The following TRIQK variants were observed in gnomAD, a reference collection of about 807,000 sequenced individuals.
The protein encoded by TRIQK is triple QxxK/R motif-containing protein.
In TRIQK, 10 loss-of-function variants were observed where a neutral mutation model predicts 10.8. The ratio of observed to expected loss-of-function variants is 0.92; its 90% CI spans 0.57 to 1.57. The LOEUF is 1.57. Among genes scored for constraint, TRIQK ranks in the 40% most tolerant of loss-of-function variants. The probability of loss-of-function intolerance (pLI) is 0.00; values close to 1 mark genes in which losing one functional copy is unlikely to be tolerated. For missense variants in TRIQK, 107 were observed against 97.7 expected, an observed-to-expected ratio of 1.09 and a Z score of -0.40; for synonymous variants, 33 against 33.7, an observed-to-expected ratio of 0.98 and a Z score of 0.07.
chr8:92,899,903 C>T (rs1808829535), intron 3 of TRIQK, among the ~76,000 whole-genome samples: 1 of 150,182 alleles, frequency 6.7e-6, no homozygotes, highest in Admixed American at 6.7e-5. Context: ...TCCACATCCT[C>T]ACCAGCATTC....
chr8:92,990,479 A>G (rs1265582443), intron 1 of TRIQK, among the ~76,000 whole-genome samples: 1 of 152,118 alleles, frequency 6.6e-6, no homozygotes, highest in Non-Finnish European at 1.5e-5. Flanking sequence ...CCCAATAGGA[A>G]GAGCTCCGGT....
chr8:92,968,519 T>C (rs1030200837), upstream of TRIQK, among the ~76,000 whole-genome samples: 4 of 152,228 alleles, frequency 2.6e-5, no homozygotes, highest in African/African-American at 9.6e-5. Flanking sequence ...TGGTATCTCA[T>C]TGTGGTTTTG....
chr8:92,896,557 C>G (rs567092894), intron 3 of TRIQK, among the ~76,000 whole-genome samples: 1 of 152,252 alleles, frequency 6.6e-6, no homozygotes, highest in Admixed American at 6.5e-5. Flanking sequence ...CCTGTGAGAG[C>G]TGCTGGGTGG....
At chr8:93,012,943 G>A (rs1468436972) in intron 1 of TRIQK, among the ~76,000 whole-genome samples, 3 of 152,124 alleles carry the variant, frequency 2.0e-5, no homozygotes, top group Non-Finnish European at 2.9e-5. Context: ...GTTTTCACAC[G>A]CACTCTAGGT....
At chr8:92,995,756 T>C (rs1236772051) in intron 1 of TRIQK, among the ~76,000 whole-genome samples, 1 of 152,118 alleles carries the variant, frequency 6.6e-6, no homozygotes, top group East Asian at 1.9e-4. Context: ...TTTGTTGAAG[T>C]TGATGAACAC....
At chr8:93,012,552 T>G (rs1813345703) in intron 1 of TRIQK, among the ~76,000 whole-genome samples, 1 of 152,340 alleles carries the variant, frequency 6.6e-6, no homozygotes, top group Admixed American at 6.5e-5. Flanking sequence ...GAGAGATTTT[T>G]CTGGTCTTTA....
chr8:93,003,526 C>T (rs1374332983), intron 1 of TRIQK, among the ~76,000 whole-genome samples: 2 of 147,394 alleles, frequency 1.4e-5, no homozygotes, highest in East Asian at 3.9e-4. Context: ...CAGAGCCAAA[C>T]CATGTCATTC....
chr8:92,992,071 A>G (rs551640815), intron 1 of TRIQK, among the ~76,000 whole-genome samples: 4 of 152,284 alleles, frequency 2.6e-5, no homozygotes, highest in African/African-American at 9.6e-5. Context: ...TCTCAAAATA[A>G]TGATAATAAT....
chr8:92,980,103 A>G (rs1185489781), intron 1 of TRIQK, among the ~76,000 whole-genome samples: 1 of 152,046 alleles, frequency 6.6e-6, no homozygotes. Flanking sequence ...GTACTTTATT[A>G]AGTTAAGAAC....
At chr8:93,004,246 C>T (rs1199192489) in intron 1 of TRIQK, among the ~76,000 whole-genome samples, 1 of 152,228 alleles carries the variant, frequency 6.6e-6, no homozygotes, top group Admixed American at 6.5e-5. Context: ...CACACCTCAG[C>T]TCCTGCCTTC....
intron 3 of TRIQK, among the ~76,000 whole-genome samples, chr8:92,915,287 C>T (rs1469076935): frequency 1.3e-5 from 2 of 152,014 alleles, no homozygotes; most frequent in Non-Finnish European, 2.9e-5. Flanking sequence ...ATCTAATATA[C>T]CACATGAGAA....
chr8:92,935,621 T>A (rs1810946849), intron 2 of TRIQK, among the ~76,000 whole-genome samples: 1 of 151,040 alleles, frequency 6.6e-6, no homozygotes, highest in Non-Finnish European at 1.5e-5. Context: ...ATAATTAAAT[T>A]TAAAAAACAG....
intron 3 of TRIQK, among the ~76,000 whole-genome samples, chr8:92,899,157 T>C (rs1359635617): frequency 2.6e-5 from 4 of 151,706 alleles, no homozygotes; most frequent in Non-Finnish European, 5.9e-5. Context: ...CTAATTTTTG[T>C]ATTTTTAGTA....
chr8:92,931,087 A>T (rs1477036524), intron 2 of TRIQK, among the ~76,000 whole-genome samples: 1 of 152,164 alleles, frequency 6.6e-6, no homozygotes, highest in Non-Finnish European at 1.5e-5. Flanking sequence ...TTCTGAAACA[A>T]AAATTTACTA....
chr8:92,970,039 C>T (rs1167697929), upstream of TRIQK, among the ~76,000 whole-genome samples: 1 of 152,220 alleles, frequency 6.6e-6, no homozygotes, highest in East Asian at 1.9e-4. Flanking sequence ...TGAGAATATT[C>T]AGTGTTTGGT....
chr8:93,006,269 T>C (rs13438937), intron 1 of TRIQK, among the ~76,000 whole-genome samples: 36,416 of 151,898 alleles, frequency 0.24, 5,331 homozygotes, highest in African/African-American at 0.42. Context: ...TCCAAGTTAT[T>C]TCATTGGGAC....
intron 2 of TRIQK, among the ~76,000 whole-genome samples, chr8:92,952,794 T>G (rs1490363471): frequency 1.3e-5 from 2 of 152,068 alleles, no homozygotes; most frequent in Non-Finnish European, 2.9e-5. Flanking sequence ...AATACTGCAC[T>G]TCATAGTTCC....
At position 92,997,168 on chromosome 8, in the gene TRIQK, G is replaced by C. The variant is rs532749080; in HGVS notation, c.-181+20441C>G. Among the ~76,000 whole-genome samples the C allele has an allele frequency of 4.3e-4, 65 of 152,088 alleles. No individual in the cohort carries two copies. In the Middle Eastern group the frequency reaches 0.01, roughly 24 times the overall value. Reference sequence around the variant, plus strand: ...TGATGTTCTAAGGAATTAATGATTGGGTAGAGAGGAACTGAGAGAGGAGGT... The same window carrying C: ...TGATGTTCTAAGGAATTAATGATTGCGTAGAGAGGAACTGAGAGAGGAGGT... On this transcript the variant is annotated intron_variant, in intron 1 of 4. Coordinates refer to the TRIQK transcript ENST00000520686.
Position 92,885,226 on chromosome 8 carries a change from C to T in TRIQK, c.*1396G>A, listed in dbSNP as rs2130206525. The T allele has an allele frequency of 3.0e-6, 1 of 330,412 alleles. No homozygotes were observed. The highest frequency in any genetic ancestry group is 2.2e-5 in the African/African-American group (1 of 46,386). 20.5% of individuals were successfully genotyped at this position (330,412 alleles called of 1,614,324 possible). The stretch of plus-strand genomic sequence containing the variant: ...AAATTCTACAGAACATAATGCTACA[C>T]AGTCACAGTCGACTTTTTGCAAAAG... On this transcript the variant is annotated 3_prime_UTR_variant, in exon 5 of 5. Coordinates refer to ENST00000521988, the MANE Select transcript of TRIQK (RefSeq NM_001171797.2).
Sources: gnomAD v4.1 joint callset for allele counts (sites outside exome capture counted in the v4.1 genomes callset) on GRCh38, gnomAD v4.1.1 for gene constraint, MANE v1.5 for transcripts, NCBI Gene and HGNC (gene_info 2026-07-23, HGNC 2026-07-21) for gene names.